The following NAV2 variants were observed in gnomAD, a reference collection of about 807,000 sequenced individuals.
The protein encoded by NAV2 is helicase, APC down-regulated 1.
NAV2 carries 54 observed loss-of-function variants against 223.2 expected under a neutral mutation model. The ratio of observed to expected loss-of-function variants is 0.24; its 90% CI spans 0.19 to 0.30. The LOEUF (loss-of-function observed/expected upper bound fraction) is 0.30. Among genes scored for constraint, NAV2 ranks in the 10% least tolerant of loss-of-function variants. The pLI, the probability that NAV2 is intolerant of heterozygous loss-of-function variation, is 1.00. For missense variants in NAV2, 2,806 were observed against 3,147.5 expected (o/e 0.89, Z 2.60); for synonymous variants, 1,279 against 1,239.3 (o/e 1.03, Z -0.67).
chr11:19,727,031 G>A (rs150012710), intron 1 of NAV2, among the ~76,000 whole-genome samples: 9 of 152,284 alleles, frequency 5.9e-5, no homozygotes, highest in African/African-American at 1.7e-4. Flanking sequence ...ACAGACTTCC[G>A]AAATCCATAG....
At chr11:19,812,688 T>C (rs2058892502) in intron 1 of NAV2, among the ~76,000 whole-genome samples, 1 of 152,096 alleles carries the variant, frequency 6.6e-6, no homozygotes, top group Admixed American at 6.5e-5. Context: ...GAGCAGTTTC[T>C]AGATGTGGCC....
intron 1 of NAV2, among the ~76,000 whole-genome samples, chr11:19,426,874 C>T (rs946183252): frequency 6.6e-6 from 1 of 152,184 alleles, no homozygotes; most frequent in Non-Finnish European, 1.5e-5. Flanking sequence ...TTTCTCCTCT[C>T]ATCAGAGGGA....
intron 22 of NAV2, 24 bp from the exon 23 acceptor site, chr11:20,077,528 C>A: frequency 6.3e-7 from 1 of 1,576,940 alleles, no homozygotes; most frequent in Non-Finnish European, 8.7e-7. Flanking sequence ...GGTAATATAA[C>A]TGAGGTTGTG....
chr11:19,815,244 G>C (rs2059034697), intron 1 of NAV2, among the ~76,000 whole-genome samples: 1 of 152,082 alleles, frequency 6.6e-6, no homozygotes, highest in South Asian at 2.1e-4. Flanking sequence ...TCATCCTCTG[G>C]GTGTGTGGCT....
chr11:19,526,707 C>T (rs75369955), intron 1 of NAV2, among the ~76,000 whole-genome samples: 9,719 of 152,084 alleles, frequency 0.064, 1,039 homozygotes, highest in African/African-American at 0.22. Flanking sequence ...TCCTACAGTC[C>T]CCTGACCTGG....
chr11:19,976,842 C>T (rs1261906423), intron 10 of NAV2, among the ~76,000 whole-genome samples: 3 of 152,172 alleles, frequency 2.0e-5, no homozygotes, highest in Admixed American at 6.5e-5. Flanking sequence ...AGTCTATATG[C>T]CATGGTCACG....
At chr11:20,068,162 A>G in intron 20 of NAV2, 24 bp from the exon 21 acceptor site, 1 of 1,612,800 alleles carries the variant, frequency 6.2e-7, no homozygotes, top group Non-Finnish European at 8.5e-7. Context: ...AACTGGTCTA[A>G]TTTCCTTTAT....
At chr11:19,551,969 G>T (rs144781609) in intron 1 of NAV2, among the ~76,000 whole-genome samples, 6 of 151,730 alleles carry the variant, frequency 4.0e-5, no homozygotes, top group Non-Finnish European at 7.4e-5. Flanking sequence ...CTCCCTGACT[G>T]CAACCCTGGG....
intron 4 of NAV2, among the ~76,000 whole-genome samples, chr11:19,877,409 G>T (rs916088174): frequency 2.7e-5 from 4 of 147,888 alleles, no homozygotes; most frequent in African/African-American, 1.0e-4. Flanking sequence ...AGGGGAAATT[G>T]TTTTCTTAAC....
intron 11 of NAV2, among the ~76,000 whole-genome samples, chr11:20,013,686 CA>C (rs1461340563): frequency 3.9e-5 from 6 of 152,170 alleles, no homozygotes; most frequent in Non-Finnish European, 8.8e-5. Flanking sequence ...GCATTTCATA[CA>C]ATGCCCGGTC....
intron 6 of NAV2, among the ~76,000 whole-genome samples, chr11:19,904,183 TC>T (rs2042675625): frequency 6.6e-6 from 1 of 152,224 alleles, no homozygotes; most frequent in African/African-American, 2.4e-5. Context: ...AATGATTCTC[TC>T]CCTTATTTAT....
At chr11:20,032,962 T>G (rs1042416717) in intron 11 of NAV2, among the ~76,000 whole-genome samples, 1 of 152,206 alleles carries the variant, frequency 6.6e-6, no homozygotes, top group African/African-American at 2.4e-5. Flanking sequence ...GTTTCTTCAT[T>G]ATGAAACACC....
At chr11:19,862,807 G>A (rs1048340930) in intron 3 of NAV2, among the ~76,000 whole-genome samples, 30 of 152,206 alleles carry the variant, frequency 2.0e-4, no homozygotes, top group Non-Finnish European at 1.5e-5. Context: ...GCATAAGGCT[G>A]TGACCTCTAG....
chr11:19,578,942 T>C (rs866829373), intron 1 of NAV2, among the ~76,000 whole-genome samples: 7 of 152,150 alleles, frequency 4.6e-5, no homozygotes, highest in Admixed American at 1.3e-4. Flanking sequence ...ACACCCAAGA[T>C]TACTCAGCTA....
chr11:19,777,544 C>A (rs1445658915), intron 1 of NAV2: 4 of 455,288 alleles, frequency 8.8e-6, no homozygotes, highest in Non-Finnish European at 1.8e-5. Context: ...GACCGCACCC[C>A]CTGGGCGCTG....
intron 1 of NAV2, among the ~76,000 whole-genome samples, chr11:19,597,355 C>T (rs2046230928): frequency 6.6e-6 from 1 of 152,212 alleles, no homozygotes; most frequent in African/African-American, 2.4e-5. Context: ...ATGTCACCAT[C>T]CAGAGGATAA....
At chr11:19,534,098 A>C (rs1332313367) in intron 1 of NAV2, among the ~76,000 whole-genome samples, 2 of 152,090 alleles carry the variant, frequency 1.3e-5, no homozygotes, top group Non-Finnish European at 2.9e-5. Flanking sequence ...GCTCCTCTTC[A>C]TTTGGGTCTC....
intron 6 of NAV2, among the ~76,000 whole-genome samples, chr11:19,928,410 T>C (rs1449243798): frequency 6.6e-6 from 1 of 152,212 alleles, no homozygotes; most frequent in Non-Finnish European, 1.5e-5. Context: ...GGCCCACATA[T>C]CATCATTTGG....
At chr11:19,537,931 G>C (rs1360072732) in intron 1 of NAV2, among the ~76,000 whole-genome samples, 1 of 152,208 alleles carries the variant, frequency 6.6e-6, no homozygotes, top group East Asian at 1.9e-4. Context: ...ACTGGCCTAG[G>C]TGATGCATTT....
Sources: gnomAD v4.1 joint callset for allele counts (sites outside exome capture counted in the v4.1 genomes callset) on GRCh38, gnomAD v4.1.1 for gene constraint, MANE v1.5 for transcripts, NCBI Gene and HGNC (gene_info 2026-07-23, HGNC 2026-07-21) for gene names.